Variants in MARCHF1 observed in about 807,000 individuals in gnomAD.
MARCHF1 encodes the protein membrane associated ring-CH-type finger 1, also known as E3 ubiquitin-protein ligase MARCHF1.
In MARCHF1, 40 loss-of-function variants were observed where a neutral mutation model predicts 54.2. That is an observed-to-expected ratio of 0.74 (90% CI 0.57 to 0.96). MARCHF1 has a LOEUF of 0.96. Among genes scored for constraint, MARCHF1 ranks in the 40% least tolerant of loss-of-function variants. MARCHF1 has a pLI of 0.00. For missense variants in MARCHF1, 586 were observed against 656.5 expected (o/e 0.89, Z 1.17); for synonymous variants, 236 against 236.3 (o/e 1.00, Z 0.01).
chr4:163,838,566 C>T (rs1019828459), intron 4 of MARCHF1, among the ~76,000 whole-genome samples: 3 of 151,906 alleles, frequency 2.0e-5, no homozygotes, highest in African/African-American at 4.8e-5. Context: ...GCAAGTTTAA[C>T]CCAAAGCAAA....
chr4:163,599,150 G>A (rs774779899), intron 7 of MARCHF1, among the ~76,000 whole-genome samples: 3 of 152,016 alleles, frequency 2.0e-5, no homozygotes, highest in Non-Finnish European at 1.5e-5. Flanking sequence ...TTAGCTGGGC[G>A]TGGTGGCGGG....
intron 2 of MARCHF1, among the ~76,000 whole-genome samples, chr4:164,043,799 T>C (rs2111025903): frequency 6.6e-6 from 1 of 152,356 alleles, no homozygotes; most frequent in Middle Eastern, 3.4e-3. Flanking sequence ...TCCATGCATA[T>C]GAGCATAGAA....
intron 1 of MARCHF1, among the ~76,000 whole-genome samples, chr4:164,280,880 G>A (rs1734009027): frequency 6.6e-6 from 1 of 151,984 alleles, no homozygotes; most frequent in African/African-American, 2.4e-5. Context: ...TAATTTTATA[G>A]TTCTAAAAAT....
At chr4:164,246,662 G>C (rs1454434511) in intron 1 of MARCHF1, among the ~76,000 whole-genome samples, 1 of 46,088 alleles carries the variant, frequency 2.2e-5, no homozygotes, top group Non-Finnish European at 5.6e-5. Flanking sequence ...CCATCAGAGT[G>C]AACAGGCAAC....
chr4:163,924,138 G>A (rs1248925512), intron 3 of MARCHF1, among the ~76,000 whole-genome samples: 1 of 152,030 alleles, frequency 6.6e-6, no homozygotes, highest in Non-Finnish European at 1.5e-5. Flanking sequence ...CAAAGACTAG[G>A]AGATGAAGTG....
At chr4:164,255,043 C>T (rs1484037208) in intron 1 of MARCHF1, among the ~76,000 whole-genome samples, 2 of 152,162 alleles carry the variant, frequency 1.3e-5, no homozygotes, top group Non-Finnish European at 2.9e-5. Context: ...CCACGCCCAG[C>T]CATGAATGTT....
intron 2 of MARCHF1, among the ~76,000 whole-genome samples, chr4:164,016,362 C>T (rs529269116): frequency 1.3e-5 from 2 of 152,214 alleles, no homozygotes; most frequent in South Asian, 2.1e-4. Flanking sequence ...GGGGAAACTG[C>T]CCCCATGATC....
rs140052719 is a variant in MARCHF1 at position 164,148,691 on chromosome 4, A to G, written c.-322-37029T>C. Among the ~76,000 whole-genome samples, 814 of 152,252 alleles carry G rather than the reference A, an allele frequency of 5.3e-3. 28 individuals are homozygous for G. Among genetic ancestry groups the G allele is most frequent in the East Asian group, 0.013 (65 of 5,184 alleles). On this transcript the variant is annotated intron_variant, in intron 1 of 9. Transcript: ENST00000514618. The stretch of plus-strand genomic sequence containing the variant: ...TCAAGCTATTGTTAAGCATGTGCCA[A>G]GTCCTTTAGAAAATTCTAGCTAATT...
intron 1 of MARCHF1, among the ~76,000 whole-genome samples, chr4:164,121,006 TAAAGG>T (rs1001792165): frequency 2.6e-5 from 4 of 151,572 alleles, no homozygotes; most frequent in Admixed American, 6.6e-5. Flanking sequence ...AAATTTGAAA[TAAAGG>T]AAATAAAAAA....
At chr4:164,063,476 T>G (rs1415691215) in intron 2 of MARCHF1, among the ~76,000 whole-genome samples, 2 of 152,212 alleles carry the variant, frequency 1.3e-5, no homozygotes, top group African/African-American at 4.8e-5. Context: ...ATACCATGGC[T>G]CAACCTCTGC....
intron 3 of MARCHF1, among the ~76,000 whole-genome samples, chr4:163,861,178 T>C (rs959725287): frequency 1.6e-4 from 25 of 152,260 alleles, no homozygotes; most frequent in African/African-American, 5.5e-4. Flanking sequence ...AGAATACCTT[T>C]GGTGGGCTCA....
chr4:163,668,107 C>T (rs1427436688), intron 5 of MARCHF1, among the ~76,000 whole-genome samples: 1 of 152,154 alleles, frequency 6.6e-6, no homozygotes, highest in Non-Finnish European at 1.5e-5. Flanking sequence ...TTGACATCAA[C>T]ATATGACCAA....
chr4:164,107,413 T>C (rs776764652), intron 2 of MARCHF1, among the ~76,000 whole-genome samples: 27 of 152,144 alleles, frequency 1.8e-4, no homozygotes, highest in Non-Finnish European at 3.2e-4. Context: ...CAGATTAGAG[T>C]GCAGTGGTGT....
chr4:163,821,963 A>C (rs1271844260), intron 4 of MARCHF1, among the ~76,000 whole-genome samples: 1 of 152,022 alleles, frequency 6.6e-6, no homozygotes, highest in Non-Finnish European at 1.5e-5. Context: ...CACTGGAAGC[A>C]GATATAAAAG....
At chr4:163,829,593 A>G (rs571374636) in intron 4 of MARCHF1, among the ~76,000 whole-genome samples, 1 of 152,316 alleles carries the variant, frequency 6.6e-6, no homozygotes, top group East Asian at 1.9e-4. Flanking sequence ...TTTCTACAGA[A>G]GTGCACGCAG....
intron 1 of MARCHF1, among the ~76,000 whole-genome samples, chr4:164,144,315 G>A (rs1579570383): frequency 6.6e-6 from 1 of 151,716 alleles, no homozygotes; most frequent in Non-Finnish European, 1.5e-5. Context: ...TCTGCACCAA[G>A]GGGACCTAAT....
intron 5 of MARCHF1, among the ~76,000 whole-genome samples, chr4:163,692,322 T>C (rs2111204423): frequency 6.6e-6 from 1 of 152,286 alleles, no homozygotes; most frequent in South Asian, 2.1e-4. Context: ...TATGATAAAA[T>C]TCTTAAATAA....
intron 3 of MARCHF1, among the ~76,000 whole-genome samples, chr4:163,874,266 G>A (rs936759395): frequency 2.0e-5 from 3 of 152,122 alleles, no homozygotes; most frequent in African/African-American, 4.8e-5. Context: ...GCCACGTGGC[G>A]GAAGTACACT....
chr4:163,841,186 A>G (rs1411782251), intron 4 of MARCHF1, among the ~76,000 whole-genome samples: 1 of 152,120 alleles, frequency 6.6e-6, no homozygotes, highest in Non-Finnish European at 1.5e-5. Context: ...TTATGCTACT[A>G]TCATGGTGGA....
Sources: allele counts gnomAD v4.1 joint callset (sites outside exome capture counted in the v4.1 genomes callset), GRCh38; gene constraint gnomAD v4.1.1; transcripts MANE v1.5; gene names NCBI Gene and HGNC (gene_info 2026-07-23, HGNC 2026-07-21).